Variants in CTNNA3 observed in about 807,000 individuals in gnomAD.
The protein encoded by CTNNA3 is catenin alpha 3, also known as catenin alpha-3.
A neutral mutation model predicts 95.7 loss-of-function variants in CTNNA3; 76 were observed. The observed-to-expected ratio is 0.79, with a 90% CI of 0.66 to 0.96. The LOEUF is 0.96. Among genes scored for constraint, CTNNA3 ranks in the 40% least tolerant of loss-of-function variants. The pLI is 0.00. For synonymous variants in CTNNA3, 431 were observed against 374.4 expected (o/e 1.15, Z -1.74); for missense variants, 1,191 against 1,089.8 (o/e 1.09, Z -1.31).
intron 7 of CTNNA3, among the ~76,000 whole-genome samples, chr10:67,142,801 A>G (rs1350355765): frequency 6.6e-6 from 1 of 151,538 alleles, no homozygotes; most frequent in African/African-American, 2.4e-5. Context: ...GCGTGGTGGC[A>G]TGTGCCTGTA....
intron 7 of CTNNA3, among the ~76,000 whole-genome samples, chr10:66,844,342 C>T (rs2132356784): frequency 6.6e-6 from 1 of 152,246 alleles, no homozygotes; most frequent in African/African-American, 2.4e-5. Flanking sequence ...GTATCCTTTT[C>T]ATGTTTCTGT....
At chr10:66,520,277 A>G (rs1405064066) in intron 11 of CTNNA3, among the ~76,000 whole-genome samples, 1 of 110,246 alleles carries the variant, frequency 9.1e-6, no homozygotes, top group Non-Finnish European at 1.7e-5. Context: ...TTTGAGATAG[A>G]GTCTAGCTCT....
intron 9 of CTNNA3, among the ~76,000 whole-genome samples, chr10:66,636,402 T>C (rs1475450578): frequency 6.6e-6 from 1 of 152,078 alleles, no homozygotes; most frequent in East Asian, 1.9e-4. Flanking sequence ...ACTTGCAGTG[T>C]AATCTTAGTA....
At chr10:66,112,367 CT>C (rs1436920242) in intron 13 of CTNNA3, among the ~76,000 whole-genome samples, 1 of 152,114 alleles carries the variant, frequency 6.6e-6, no homozygotes, top group Non-Finnish European at 1.5e-5. Flanking sequence ...GAATTGGTGA[CT>C]TTTCTTCTTA....
intron 7 of CTNNA3, among the ~76,000 whole-genome samples, chr10:66,907,022 T>C (rs773851410): frequency 6.6e-6 from 1 of 152,130 alleles, no homozygotes; most frequent in Non-Finnish European, 1.5e-5. Flanking sequence ...TAGAATTAGA[T>C]ACAAAAAAAT....
At chr10:67,603,619 T>C (rs1382833287) in intron 3 of CTNNA3, among the ~76,000 whole-genome samples, 1 of 151,368 alleles carries the variant, frequency 6.6e-6, no homozygotes, top group Non-Finnish European at 1.5e-5. Flanking sequence ...AAAAAAATAA[T>C]TAAAAATGTA....
At chr10:67,419,103 C>G (rs1165579179) in intron 5 of CTNNA3, among the ~76,000 whole-genome samples, 2 of 152,006 alleles carry the variant, frequency 1.3e-5, no homozygotes, top group Non-Finnish European at 2.9e-5. Context: ...TGAACTGTGC[C>G]CATGGGCTCC....
intron 14 of CTNNA3, among the ~76,000 whole-genome samples, chr10:66,084,371 G>C (rs2080897635): frequency 6.6e-6 from 1 of 151,626 alleles, no homozygotes; most frequent in African/African-American, 2.4e-5. Flanking sequence ...CACCTATCAT[G>C]TATCCACAAA....
At chr10:66,566,623 G>T (rs530469346) in intron 10 of CTNNA3, among the ~76,000 whole-genome samples, 1 of 152,180 alleles carries the variant, frequency 6.6e-6, no homozygotes, top group African/African-American at 2.4e-5. Flanking sequence ...CCAAGTATAT[G>T]CAGTACAATG....
intron 2 of CTNNA3, among the ~76,000 whole-genome samples, chr10:67,618,435 A>G (rs941352676): frequency 1.3e-5 from 2 of 152,204 alleles, no homozygotes; most frequent in African/African-American, 2.4e-5. Context: ...TGAATAAACT[A>G]TGCCAATATT....
At chr10:66,721,674 C>G (rs1010158548) in intron 9 of CTNNA3, among the ~76,000 whole-genome samples, 1 of 152,144 alleles carries the variant, frequency 6.6e-6, no homozygotes, top group Non-Finnish European at 1.5e-5. Context: ...AGAGAGGCTG[C>G]CCTGCTGGGG....
intron 7 of CTNNA3, among the ~76,000 whole-genome samples, chr10:67,045,238 T>C (rs1052231781): frequency 6.6e-6 from 1 of 152,178 alleles, no homozygotes; most frequent in African/African-American, 2.4e-5. Flanking sequence ...CCAACATTTA[T>C]TAAATACCTG....
intron 3 of CTNNA3, among the ~76,000 whole-genome samples, chr10:67,549,811 C>T (rs1476453483): frequency 6.6e-6 from 1 of 152,058 alleles, no homozygotes; most frequent in East Asian, 1.9e-4. Context: ...ACAACCATAA[C>T]TTTTTGTTTA....
At chr10:67,540,876 T>A (rs1182400562) in intron 3 of CTNNA3, among the ~76,000 whole-genome samples, 1 of 151,976 alleles carries the variant, frequency 6.6e-6, no homozygotes, top group Non-Finnish European at 1.5e-5. Context: ...GTGTGTACTC[T>A]GGAGCCAGAC....
At chr10:67,250,646 G>T (rs898152704) in intron 5 of CTNNA3, among the ~76,000 whole-genome samples, 1 of 152,146 alleles carries the variant, frequency 6.6e-6, no homozygotes, top group Non-Finnish European at 1.5e-5. Context: ...TTCAGCCACT[G>T]TTGGTTGAAT....
intron 13 of CTNNA3, among the ~76,000 whole-genome samples, chr10:66,149,142 T>C (rs1310003234): frequency 2.0e-5 from 3 of 148,956 alleles, no homozygotes; most frequent in Non-Finnish European, 4.5e-5. Flanking sequence ...CATATATATC[T>C]AACGCATATA....
intron 17 of CTNNA3, among the ~76,000 whole-genome samples, chr10:65,927,065 CT>C (rs1296434564): frequency 6.6e-6 from 1 of 151,578 alleles, no homozygotes; most frequent in Admixed American, 6.6e-5. Context: ...AATTTTTGTT[CT>C]GTATTATTCC....
chr10:66,078,544 T>C (rs2080624156), intron 14 of CTNNA3, among the ~76,000 whole-genome samples: 1 of 152,042 alleles, frequency 6.6e-6, no homozygotes, highest in African/African-American at 2.4e-5. Context: ...ACCAAAGTTG[T>C]AATAGAAATT....
intron 5 of CTNNA3, among the ~76,000 whole-genome samples, chr10:67,230,040 C>T (rs1187654558): frequency 1.3e-5 from 2 of 152,146 alleles, no homozygotes; most frequent in Admixed American, 1.3e-4. Flanking sequence ...AAGAACAAAT[C>T]TGGAGGTATC....
Sources: allele counts gnomAD v4.1 joint callset (sites outside exome capture counted in the v4.1 genomes callset), GRCh38; gene constraint gnomAD v4.1.1; transcripts MANE v1.5; gene names NCBI Gene and HGNC (gene_info 2026-07-23, HGNC 2026-07-21).